DSC3: variants seen among roughly 807,000 people sequenced by gnomAD.
DSC3 encodes the protein desmocollin-3.
DSC3 carries 97 observed loss-of-function variants against 89.5 expected under a neutral mutation model. The observed-to-expected ratio is 1.08, with a 90% CI of 0.92 to 1.28. The LOEUF (loss-of-function observed/expected upper bound fraction) is 1.28. DSC3 is among the 50% of genes most tolerant of loss of function. DSC3 has a pLI of 0.00. For missense variants in DSC3, 1,199 were observed against 1,085.3 expected (o/e 1.10, Z -1.47); for synonymous variants, 436 against 384.1 (o/e 1.14, Z -1.58).
rs368510046 is a variant in DSC3, at chr18:31,018,224, A to G, written c.1110T>C (p.Asn370=). 4 of 1,611,814 alleles carry G rather than the reference A, an allele frequency of 2.5e-6. No individual in the cohort carries two copies. The highest frequency in any genetic ancestry group is 2.5e-6 in the Non-Finnish European group (3 of 1,179,084). The stretch of plus-strand genomic sequence containing the variant: ...CTATAGGTATTCGTAAGATTTCCAC[A>G]TTGAATGCATTTTCCTCTACAAATG... ...YEAFVEENAF[N]VEILRIPIED... Residue 370 remains asparagine (N), a synonymous_variant, in exon 9 of 16, where the codon AAT becomes AAC. Coordinates refer to ENST00000360428, the MANE Select transcript of DSC3 (RefSeq NM_001941.5).
chr18:31,026,338 T>C (rs918185503), intron 4 of DSC3, among the ~76,000 whole-genome samples: 28 of 151,956 alleles, frequency 1.8e-4, no homozygotes, highest in African/African-American at 6.5e-4. Flanking sequence ...CATTGGAGAA[T>C]TCGAGGATGC....
chr18:30,994,357 T>C lies in DSC3; in HGVS notation c.2509A>G (p.Asn837Asp). 3 of 1,613,980 alleles carry C rather than the reference T, an allele frequency of 1.9e-6. 1 individual carries two copies. Among genetic ancestry groups the C allele is most frequent in the South Asian group, 1.1e-5 (1 of 90,990 alleles). ...PRLGEKLHRC[N>D]QNEDRMPSQD... ...GATGGCATGCGGTCTTCATTCTGAT[T>C]ACATCGATGCAATTTCTGTAAAATT... Residue 837 changes from asparagine to aspartate, a missense_variant, in exon 16 of 16, where the codon AAT (asparagine) becomes GAT (aspartate). Transcript: ENST00000360428.
intron 1 of DSC3, among the ~76,000 whole-genome samples, chr18:31,039,877 CTTT>C (rs1454950422): frequency 6.6e-6 from 1 of 152,112 alleles, no homozygotes; most frequent in African/African-American, 2.4e-5. Flanking sequence ...ATAATTTTGA[CTTT>C]TTTAAGCTTG....
chr18:31,032,453 C>T (rs891227106), intron 1 of DSC3, among the ~76,000 whole-genome samples, 177 bp from the exon 2 acceptor site: 3 of 150,700 alleles, frequency 2.0e-5, no homozygotes, highest in Non-Finnish European at 4.4e-5. Context: ...TTATGAAAAA[C>T]AACAACTAAC....
chr18:31,008,780 T>A (rs1365839136), intron 9 of DSC3, among the ~76,000 whole-genome samples: 1 of 152,184 alleles, frequency 6.6e-6, no homozygotes, highest in African/African-American at 2.4e-5. Flanking sequence ...CATATTTCAC[T>A]CTTACTAAGG....
Position 30,991,947 on chromosome 18 carries a change from C to G in DSC3, c.*2228G>C, listed in dbSNP as rs1312432930. 6.6e-6 allele frequency: 1 copy of G among 152,082 alleles called. No individual in the cohort carries two copies. The allele number at this position is 152,082 out of a possible 1,614,324, so 9.4% of individuals were successfully genotyped here. On this transcript the variant is annotated 3_prime_UTR_variant, in exon 16 of 16. Transcript: ENST00000360428. ...TTGGGAGGCCGAGGCAGGCGGATCA[C>G]GAGGTCAGGAGATCGAGACCATCCT... is the stretch of plus-strand genomic sequence containing the variant.
Position 31,031,078 on chromosome 18 carries a change from C to A in DSC3, c.249G>T (p.Arg83Ser). 1 of 1,614,012 alleles carries A rather than the reference C, an allele frequency of 6.2e-7. No homozygotes were observed. The highest frequency in any genetic ancestry group is 1.1e-5 in the South Asian group (1 of 91,082). The change falls in exon 3 of 16, where the codon AGG (arginine) becomes AGT (serine). Residue 83 changes from arginine (R) to serine (S), a missense_variant. Physicochemically the swap from Arg to Ser is moderately radical, Grantham distance 110. Transcript: ENST00000360428. ...VLNDGSVYTARAVALSDKKRS... is the reference protein window; with the variant it reads ...VLNDGSVYTASAVALSDKKRS... ...TTTTCTTATCAGACAGCGCAACAGCCCTGGCTGTGTACACTGACCCATCAT... is the reference window on the plus strand; with the variant it reads ...TTTTCTTATCAGACAGCGCAACAGCACTGGCTGTGTACACTGACCCATCAT...
chr18:31,015,763 A>G (rs1985215128), intron 9 of DSC3, among the ~76,000 whole-genome samples: 1 of 152,184 alleles, frequency 6.6e-6, no homozygotes, highest in African/African-American at 2.4e-5. Flanking sequence ...TACTGTAGTT[A>G]TATTGTCTGC....
At position 31,001,719 on chromosome 18, in the gene DSC3, A is replaced by G. The variant is rs764754400; in HGVS notation, c.2134T>C (p.Cys712Arg). ...CCTTTAGTTGCACCAAAAACTCCAC[A>G]TACTAAAGTTAGCAATACAGCTGAA... The part of the protein sequence containing the change: ...LLFSVLLTLV[C>R]GVFGATKGKR... The change falls in exon 14 of 16, where the codon TGT (cysteine) becomes CGT (arginine). Residue 712 changes from cysteine (C) to arginine (R), a missense_variant. Cys to Arg is a radical substitution (Grantham distance 180). Coordinates refer to ENST00000360428, the MANE Select transcript of DSC3 (RefSeq NM_001941.5). 1.9e-6 allele frequency: 3 copies of G among 1,606,714 alleles called. No homozygotes were observed. The highest frequency in any genetic ancestry group is 2.5e-6 in the Non-Finnish European group (3 of 1,176,878).
At chr18:31,024,590 A>G (rs1985536044) in intron 5 of DSC3, 97 bp from the exon 6 acceptor site, 1 of 1,366,362 alleles carries the variant, frequency 7.3e-7, no homozygotes, top group African/African-American at 1.5e-5. Flanking sequence ...TCTTTTCAAT[A>G]ATAAACTACT....
At chr18:31,036,461 TA>T (rs892179636) in intron 1 of DSC3, among the ~76,000 whole-genome samples, 64 of 152,316 alleles carry the variant, frequency 4.2e-4, no homozygotes, top group African/African-American at 1.5e-3. Context: ...AATCTTCTGA[TA>T]AACAGAGTGC....
chr18:31,018,733 C>T lies in DSC3; in HGVS notation c.1010G>A (p.Gly337Asp), dbSNP rs1255814558. The T allele has an allele frequency of 2.5e-6, 4 of 1,613,452 alleles. No individual in the cohort carries two copies. Among genetic ancestry groups the T allele is most frequent in the Non-Finnish European group, 1.7e-6 (2 of 1,179,704 alleles). ...TACTGTTATGATACAAGTTGATGTG[C>T]CTATCAATCCAAAAAACTGGCCATC... The part of the protein sequence containing the change: ...DMDGQFFGLI[G>D]TSTCIITVTD... The change falls in exon 8 of 16, where the codon GGC (glycine) becomes GAC (aspartate). Residue 337 changes from glycine (G) to aspartate (D), a missense_variant. Physicochemically the swap from Gly to Asp is moderately conservative, Grantham distance 94. Coordinates refer to ENST00000360428, the MANE Select transcript of DSC3 (RefSeq NM_001941.5).
intron 14 of DSC3, 151 bp from the exon 15 acceptor site, chr18:30,997,199 C>T (rs572869178): frequency 8.4e-5 from 83 of 988,570 alleles, no homozygotes; most frequent in Non-Finnish European, 1.2e-4. Context: ...AATTATGTGC[C>T]CAGATACTGT....
At chr18:31,019,156 G>T (rs892914617) in intron 7 of DSC3, among the ~76,000 whole-genome samples, 1 of 152,220 alleles carries the variant, frequency 6.6e-6, no homozygotes, top group African/African-American at 2.4e-5. Context: ...GTGTGCAGTG[G>T]CACGATCTTG....
Position 31,008,008 on chromosome 18 carries a change from T to A in DSC3, c.1663+8A>T, listed in dbSNP as rs777433141. On this transcript the variant is annotated splice_region_variant and intron_variant, in intron 11 of 15. Coordinates refer to ENST00000360428, the MANE Select transcript of DSC3 (RefSeq NM_001941.5). ...TTATAGAATACCAGATTAAAACTTT[T>A]TTTTTACCTTTGTCTATTGCCAGGA... 1 of 1,610,516 alleles carries A rather than the reference T, an allele frequency of 6.2e-7. No individual in the cohort carries two copies. Among genetic ancestry groups the A allele is most frequent in the Non-Finnish European group, 8.5e-7 (1 of 1,177,554 alleles).
Position 30,992,408 on chromosome 18 carries a change from T to C in DSC3, c.*1767A>G, listed in dbSNP as rs1326807560. On this transcript the variant is annotated 3_prime_UTR_variant, in exon 16 of 16. Transcript: ENST00000360428. ...CCTGCAAATGCCTTCAGACTCATCA[T>C]GCAGTCAGCTCTGTCTCCTTGATTT... is the stretch of plus-strand genomic sequence containing the variant. 1 of 152,258 alleles carries C rather than the reference T, an allele frequency of 6.6e-6. No homozygotes were observed. Among genetic ancestry groups the C allele is most frequent in the Admixed American group, 6.5e-5 (1 of 15,290 alleles). The allele number at this position is 152,258 out of a possible 1,614,324, so 9.4% of individuals were successfully genotyped here. A position where few individuals can be genotyped will look rare whatever the true frequency, so the allele number is the denominator to read the frequency against.
rs1986170810 is a variant in DSC3 at position 31,042,590 on chromosome 18, A to G, written c.69+2T>C. Reference sequence around the variant, plus strand: ...AGCCCTATCCGGCGAGATCTGGCTTACCACGAGGGTCAGCAGCAGATGCAG... The same window carrying G: ...AGCCCTATCCGGCGAGATCTGGCTTGCCACGAGGGTCAGCAGCAGATGCAG... On this transcript the variant is annotated splice_donor_variant, in intron 1 of 15. Transcript: ENST00000360428. LOFTEE classifies it high-confidence loss of function. The G allele has an allele frequency of 1.3e-6, 2 of 1,550,452 alleles. No homozygotes were observed. Among genetic ancestry groups the G allele is most frequent in the East Asian group, 4.9e-5 (2 of 40,876 alleles).
rs1034766219 is a variant in DSC3 at position 31,011,862 on chromosome 18, A to G, written c.1264-3337T>C. 3.4e-5 allele frequency among the ~76,000 whole-genome samples: 5 copies of G among 148,616 alleles called. 1 individual carries two copies. Among genetic ancestry groups the G allele is most frequent in the Admixed American group, 2.7e-4 (4 of 14,674 alleles). On this transcript the variant is annotated intron_variant, in intron 9 of 15. Coordinates refer to ENST00000360428, the MANE Select transcript of DSC3 (RefSeq NM_001941.5). ...CAAAAAATTAGCCGGGCATGGAGGC[A>G]TGCGCCTGTAGTCCCAGCTGCTTGG...
chr18:31,013,867 T>C (rs1232634601), intron 9 of DSC3, among the ~76,000 whole-genome samples: 1 of 152,186 alleles, frequency 6.6e-6, no homozygotes, highest in Non-Finnish European at 1.5e-5. Flanking sequence ...AATAGCCATG[T>C]CCTTGACTAA....
Sources: allele counts gnomAD v4.1 joint callset (sites outside exome capture counted in the v4.1 genomes callset), GRCh38; gene constraint gnomAD v4.1.1; transcripts MANE v1.5; gene names NCBI Gene and HGNC (gene_info 2026-07-23, HGNC 2026-07-21).